Variants in EDA2R observed in about 807,000 individuals in gnomAD.
EDA2R encodes the protein tumor necrosis factor receptor superfamily member 27.
A neutral mutation model predicts 20.1 loss-of-function variants in EDA2R; 26 were observed. The ratio of observed to expected loss-of-function variants is 1.30; its 90% confidence interval spans 0.95 to 1.80. The LOEUF is 1.80. Ranked by LOEUF, EDA2R falls within the 40% of genes most tolerant of loss-of-function variation. EDA2R has a pLI of 0.00. For synonymous variants in EDA2R, 114 were observed against 88.7 expected, an observed-to-expected ratio of 1.29 and a Z score of -1.60; for missense variants, 277 against 228.7, an observed-to-expected ratio of 1.21 and a Z score of -1.36.
intron 1 of EDA2R, 73 bp from the exon 2 acceptor site, chrX:66,616,103 G>A: frequency 1.4e-6 from 1 of 698,568 alleles, no homozygotes; most frequent in Non-Finnish European, 2.2e-6. Context: ...ATGCCACTTG[G>A]CTTCTGGGTC....
At chrX:66,629,431 C>T (rs1312435259) in intron 1 of EDA2R, among the ~76,000 whole-genome samples, 1 of 111,036 alleles carries the variant, frequency 9.0e-6, no homozygotes, top group African/African-American at 3.3e-5. Flanking sequence ...TGATCATTTA[C>T]CTTGGAAACC....
chrX:66,599,940 G>A, intron 5 of EDA2R, 80 bp from the exon 6 acceptor site: 1 of 1,149,155 alleles, frequency 8.7e-7, no homozygotes, highest in East Asian at 3.1e-5. Flanking sequence ...CTGAGTACAA[G>A]ACAGGTAAAG....
chrX:66,599,882 C>G, intron 5 of EDA2R, 22 bp from the exon 6 acceptor site: 1 of 1,193,251 alleles, frequency 8.4e-7, no homozygotes, highest in Non-Finnish European at 1.1e-6. Context: ...AGCAGAAAGC[C>G]ACTGGGTTAC....
intron 2 of EDA2R, among the ~76,000 whole-genome samples, chrX:66,611,862 A>G (rs1930800294): frequency 1.8e-5 from 2 of 111,591 alleles, no homozygotes; most frequent in Admixed American, 1.9e-4. Context: ...AAAAATCCAA[A>G]GTAATGCACA....
chrX:66,595,872 T>A lies in EDA2R; in HGVS notation c.*2232A>T, dbSNP rs1006042900. 9.0e-6 allele frequency: 1 copy of A among 110,706 alleles called. No homozygotes were observed. Among genetic ancestry groups the A allele is most frequent in the African/African-American group, 3.3e-5 (1 of 30,413 alleles). The allele number at this position is 110,706 out of a possible 1,213,427, so 9.1% of individuals were successfully genotyped here. A position where few individuals can be genotyped will look rare whatever the true frequency, so the allele number is the denominator to read the frequency against. ...AGGAGTGGGACAGGAGGGATTATGATCTCAATGTGACAGGGCTGTATGTTG... is the reference window on the plus strand; with the variant it reads ...AGGAGTGGGACAGGAGGGATTATGAACTCAATGTGACAGGGCTGTATGTTG... On this transcript the variant is annotated 3_prime_UTR_variant, in exon 7 of 7. Transcript: ENST00000374719.
chrX:66,607,398 A>T (rs1224267856), intron 2 of EDA2R, among the ~76,000 whole-genome samples: 1 of 111,808 alleles, frequency 8.9e-6, no homozygotes, highest in Non-Finnish European at 1.9e-5. Context: ...AGTTTGGAAA[A>T]ACACCTAAAC....
chrX:66,622,104 G>A (rs1377989614), intron 1 of EDA2R, among the ~76,000 whole-genome samples: 1 of 111,679 alleles, frequency 9.0e-6, no homozygotes, highest in Non-Finnish European at 1.9e-5. Flanking sequence ...CCTTGATTGT[G>A]TTTACAAGGG....
intron 1 of EDA2R, among the ~76,000 whole-genome samples, chrX:66,625,879 T>C: frequency 9.0e-6 from 1 of 111,716 alleles, no homozygotes; most frequent in African/African-American, 3.3e-5. Context: ...CAAAGCCGGA[T>C]AGACTTGGTG....
chrX:66,601,196 G>A (rs1422897081), intron 5 of EDA2R, among the ~76,000 whole-genome samples: 2 of 112,045 alleles, frequency 1.8e-5, no homozygotes, highest in African/African-American at 6.5e-5. Flanking sequence ...GAGCAGAAAA[G>A]GGTTACCCAT....
At chrX:66,603,919 A>T (rs895365142) in intron 4 of EDA2R, among the ~76,000 whole-genome samples, 1 of 112,416 alleles carries the variant, frequency 8.9e-6, no homozygotes, top group African/African-American at 3.2e-5. Flanking sequence ...TGATTTAAAA[A>T]ATATGTCAAT....
intron 2 of EDA2R, among the ~76,000 whole-genome samples, chrX:66,613,569 C>T (rs778787990): frequency 2.7e-5 from 3 of 111,495 alleles, no homozygotes; most frequent in East Asian, 2.8e-4. Context: ...TATTCATTTG[C>T]GTTTAGGCTT....
intron 2 of EDA2R, among the ~76,000 whole-genome samples, chrX:66,613,366 G>T (rs901931740): frequency 8.1e-5 from 9 of 111,081 alleles, no homozygotes; most frequent in African/African-American, 2.6e-4. Flanking sequence ...TGAATAGAAA[G>T]AATAGAAAGA....
At chrX:66,605,355 T>C in intron 2 of EDA2R, 129 bp from the exon 3 acceptor site, 1 of 467,220 alleles carries the variant, frequency 2.1e-6, no homozygotes, top group Non-Finnish European at 3.4e-6. Flanking sequence ...ATAAAACCAA[T>C]TCACTAGCTT....
chrX:66,625,410 A>T (rs1463817151), intron 1 of EDA2R, among the ~76,000 whole-genome samples: 1 of 110,528 alleles, frequency 9.0e-6, no homozygotes, highest in Non-Finnish European at 1.9e-5. Context: ...CACTTCCCTG[A>T]CCACCTGCAT....
intron 2 of EDA2R, among the ~76,000 whole-genome samples, chrX:66,613,637 G>A (rs2147786804): frequency 8.9e-6 from 1 of 111,760 alleles, no homozygotes; most frequent in African/African-American, 3.2e-5. Flanking sequence ...GGCCACAACA[G>A]GAATTCTATG....
chrX:66,630,954 T>A (rs1199468820), intron 1 of EDA2R, among the ~76,000 whole-genome samples: 1 of 110,061 alleles, frequency 9.1e-6, no homozygotes, highest in Non-Finnish European at 1.9e-5. Context: ...CACGTATGTG[T>A]GTATACATAC....
intron 2 of EDA2R, among the ~76,000 whole-genome samples, chrX:66,613,939 TA>T (rs1331685314): frequency 7.2e-5 from 8 of 111,525 alleles, no homozygotes; most frequent in Non-Finnish European, 1.5e-4. Context: ...TTCCTTACTA[TA>T]AAAACACTGA....
At chrX:66,599,414 T>G in intron 6 of EDA2R, 60 bp downstream of exon 6, 1 of 1,046,613 alleles carries the variant, frequency 9.6e-7, no homozygotes, top group Non-Finnish European at 1.2e-6. Context: ...TTCCTTGAGG[T>G]TAGTCCTTAA....
rs1927570679 is a variant in EDA2R at position 66,597,015 on chromosome X, T to A, written c.*1089A>T. The A allele has an allele frequency of 8.9e-6, 1 of 112,990 alleles. No individual in the cohort carries two copies. The highest frequency in any genetic ancestry group is 3.6e-4 in the South Asian group (1 of 2,801). The allele number at this position is 112,990 out of a possible 1,213,427, so 9.3% of individuals were successfully genotyped here. ...ACCCAAAAGATGTAGTTAATAAAAT[T>A]CTAAAAGCAAAAATCTTGCTGTAGA... On this transcript the variant is annotated 3_prime_UTR_variant, in exon 7 of 7. Transcript: ENST00000374719.
Sources: gnomAD v4.1 joint callset for allele counts (sites outside exome capture counted in the v4.1 genomes callset) on GRCh38, gnomAD v4.1.1 for gene constraint, MANE v1.5 for transcripts, NCBI Gene and HGNC (gene_info 2026-07-23, HGNC 2026-07-21) for gene names.